The following CCDC33 variants were observed in gnomAD, a reference collection of about 807,000 sequenced individuals.
CCDC33 encodes coiled-coil domain containing 33, also known as coiled-coil domain-containing protein 33.
Under a neutral mutation model 91.9 loss-of-function variants are expected in CCDC33, and 94 were observed. That is an observed-to-expected ratio of 1.02 (90% CI 0.87 to 1.21). The LOEUF (loss-of-function observed/expected upper bound fraction) is 1.21, where lower values mean the gene tolerates loss of function less well. Ranked by LOEUF, CCDC33 falls within the 50% of genes most tolerant of loss-of-function variation. CCDC33 has a pLI of 0.00. For missense variants in CCDC33, 940 were observed against 935.5 expected, an observed-to-expected ratio of 1.00 and a Z score of -0.06; for synonymous variants, 396 against 374.5, an observed-to-expected ratio of 1.06 and a Z score of -0.66.
chr15:74,205,856 G>A (rs1001248282), intron 1 of CCDC33, among the ~76,000 whole-genome samples: 2 of 152,204 alleles, frequency 1.3e-5, no homozygotes, highest in Non-Finnish European at 1.5e-5. Flanking sequence ...GGTGAGCTTC[G>A]TCCTTTTCCC....
intron 11 of CCDC33, among the ~76,000 whole-genome samples, chr15:74,318,116 G>A (rs1253663217): frequency 6.7e-6 from 1 of 150,164 alleles, no homozygotes; most frequent in East Asian, 2.0e-4. Context: ...AGGGGACAAG[G>A]GGGAATCAGG....
intron 7 of CCDC33, among the ~76,000 whole-genome samples, chr15:74,275,251 T>C (rs2076421320): frequency 6.6e-6 from 1 of 152,230 alleles, no homozygotes; most frequent in African/African-American, 2.4e-5. Context: ...GCATGACCTT[T>C]GGTAAGCTGC....
At chr15:74,228,589 A>G (rs2074870665) in intron 2 of CCDC33, among the ~76,000 whole-genome samples, 2 of 152,198 alleles carry the variant, frequency 1.3e-5, no homozygotes, top group African/African-American at 2.4e-5. Flanking sequence ...GGGCTGGGCC[A>G]TGGGGCCCCC....
intron 2 of CCDC33, among the ~76,000 whole-genome samples, chr15:74,220,852 A>G (rs1299202928): frequency 6.6e-6 from 1 of 152,216 alleles, no homozygotes; most frequent in African/African-American, 2.4e-5. Flanking sequence ...CAGGTCCTTC[A>G]GAGAATACAG....
intron 2 of CCDC33, among the ~76,000 whole-genome samples, chr15:74,247,945 T>A: frequency 6.6e-6 from 1 of 152,000 alleles, no homozygotes; most frequent in Middle Eastern, 3.2e-3. Context: ...GGCGTGGTGG[T>A]GGGCACATGT....
rs749566106 is a variant in CCDC33, at chr15:74,236,711, C to T, written c.-9C>T. On this transcript the variant is annotated 5_prime_UTR_variant, in exon 1 of 19. Transcript: ENST00000398814. ...TTAAACAAGGCCAGACACTCCTGGC[C>T]TCAAGAGGATGGGACTGAAAAACAA... is the stretch of plus-strand genomic sequence containing the variant. The T allele has an allele frequency of 8.7e-6, 14 of 1,613,610 alleles. No homozygotes were observed. The South Asian group carries it at 1.2e-4, about 14-fold the overall frequency.
At chr15:74,329,811 G>C (rs947773489) in intron 11 of CCDC33, among the ~76,000 whole-genome samples, 1 of 152,218 alleles carries the variant, frequency 6.6e-6, no homozygotes, top group Admixed American at 6.5e-5. Flanking sequence ...GATGGGGAAG[G>C]AGGAGGGAAA....
intron 11 of CCDC33, chr15:74,302,508 G>A (rs2059815131): frequency 6.6e-6 from 1 of 152,294 alleles, no homozygotes. Context: ...TGCCTCTCAG[G>A]ATCAGATGGG....
intron 2 of CCDC33, among the ~76,000 whole-genome samples, chr15:74,258,833 C>A (rs897823844): frequency 1.3e-5 from 2 of 152,176 alleles, no homozygotes; most frequent in Non-Finnish European, 2.9e-5. Flanking sequence ...TTAGTCATGA[C>A]CTTGCAGAAG....
At chr15:74,245,208 C>A (rs1459371563) in intron 2 of CCDC33, among the ~76,000 whole-genome samples, 1 of 152,182 alleles carries the variant, frequency 6.6e-6, no homozygotes, top group Non-Finnish European at 1.5e-5. Context: ...ACAATGCATC[C>A]AACATAGGCC....
Position 74,335,905 on chromosome 15 carries a change from C to A in CCDC33, c.2140-20C>A. Reference sequence around the variant, plus strand: ...CCTGGGAATGGGGGGTACTCACGCACCCCGCTTTGCACACCACAGAGTGCC... The same window carrying A: ...CCTGGGAATGGGGGGTACTCACGCAACCCGCTTTGCACACCACAGAGTGCC... On this transcript the variant is annotated intron_variant, in intron 18 of 18. Transcript: ENST00000398814. The A allele has an allele frequency of 1.9e-6, 3 of 1,604,858 alleles. No individual in the cohort carries two copies. The highest frequency in any genetic ancestry group is 2.6e-6 in the Non-Finnish European group (3 of 1,172,550).
chr15:74,218,926 A>G lies in CCDC33; in HGVS notation c.675+65A>G. ...CCGGGTACAAGACCCAGCCTCCGTG[A>G]TAAGCCAGGCTACCCCCTGTCCTGA... On this transcript the variant is annotated intron_variant, in intron 2 of 2. Coordinates refer to the CCDC33 transcript ENST00000635913. This position sits in a 1 kb window ranked among gnomAD's most constrained non-coding sequence, Gnocchi z 4.8. 8.4e-7 allele frequency: 1 copy of G among 1,191,086 alleles called. No homozygotes were observed. The highest frequency in any genetic ancestry group is 1.1e-6 in the Non-Finnish European group (1 of 941,846). The allele number at this position is 1,191,086 out of a possible 1,614,324, so 73.8% of individuals were successfully genotyped here.
At chr15:74,304,743 G>A (rs2059859967) in intron 11 of CCDC33, among the ~76,000 whole-genome samples, 1 of 152,066 alleles carries the variant, frequency 6.6e-6, no homozygotes, top group Admixed American at 6.5e-5. Context: ...GCAAAGCTAT[G>A]AGCCAGTCCG....
At position 74,333,970 on chromosome 15, in the gene CCDC33, G is replaced by A; in HGVS notation, c.2025+3G>A. The A allele has an allele frequency of 6.2e-7, 1 of 1,612,992 alleles. No homozygotes were observed. Among genetic ancestry groups the A allele is most frequent in the Non-Finnish European group, 8.5e-7 (1 of 1,179,282 alleles). On this transcript the variant is annotated splice_donor_region_variant and intron_variant, in intron 17 of 18. Coordinates refer to ENST00000398814, the MANE Select transcript of CCDC33 (RefSeq NM_025055.5). ...GGATCCTGTCCCTGGAAAGCCAGGT[G>A]GGTGAGATGCAGGAGTTGATGAGGC...
intron 11 of CCDC33, among the ~76,000 whole-genome samples, chr15:74,317,899 T>TTG (rs999116941): frequency 4.0e-5 from 6 of 149,618 alleles, no homozygotes; most frequent in Admixed American, 1.3e-4. Context: ...TTTTTTTTTT[T>TTG]TTTTTTTTTT....
chr15:74,218,904 G>A lies in CCDC33; in HGVS notation c.675+43G>A, dbSNP rs1336245632. Reference sequence around the variant, plus strand: ...CCCAGTTCAGGTTCTGGGCTCACCGGGTACAAGACCCAGCCTCCGTGATAA... The same window carrying A: ...CCCAGTTCAGGTTCTGGGCTCACCGAGTACAAGACCCAGCCTCCGTGATAA... On this transcript the variant is annotated intron_variant, in intron 2 of 2. Coordinates refer to the CCDC33 transcript ENST00000635913. This position sits in a 1 kb window ranked among gnomAD's most constrained non-coding sequence, Gnocchi z 4.8. 1 of 1,197,932 alleles carries A rather than the reference G, an allele frequency of 8.3e-7. No homozygotes were observed. The highest frequency in any genetic ancestry group is 1.1e-6 in the Non-Finnish European group (1 of 945,616). The allele number at this position is 1,197,932 out of a possible 1,614,324, so 74.2% of individuals were successfully genotyped here. A position where few individuals can be genotyped will look rare whatever the true frequency, so the allele number is the denominator to read the frequency against.
At chr15:74,248,841 C>G (rs1344127759) in intron 2 of CCDC33, among the ~76,000 whole-genome samples, 1 of 152,208 alleles carries the variant, frequency 6.6e-6, no homozygotes, top group Non-Finnish European at 1.5e-5. Context: ...GACCCCACTT[C>G]TCCACCAATA....
At chr15:74,223,792 A>G (rs923836263) in intron 2 of CCDC33, among the ~76,000 whole-genome samples, 3 of 151,646 alleles carry the variant, frequency 2.0e-5, no homozygotes, top group Admixed American at 2.0e-4. Flanking sequence ...ACACACACAC[A>G]CACAGCAGAC....
At chr15:74,310,551 A>G (rs1413257288) in intron 11 of CCDC33, among the ~76,000 whole-genome samples, 2 of 151,204 alleles carry the variant, frequency 1.3e-5, no homozygotes, top group Admixed American at 1.3e-4. Context: ...AAAAAAAAAA[A>G]AAGAAATTTG....
Sources: allele counts gnomAD v4.1 joint callset (sites outside exome capture counted in the v4.1 genomes callset), GRCh38; gene constraint gnomAD v4.1.1; non-coding constraint Gnocchi (gnomAD v3.1); transcripts MANE v1.5; gene names NCBI Gene and HGNC (gene_info 2026-07-23, HGNC 2026-07-21).